R3HDM1: variants seen among roughly 807,000 people sequenced by gnomAD.
R3HDM1 encodes the protein R3H domain containing 1.
In R3HDM1, 46 loss-of-function variants were observed where a neutral mutation model predicts 141.1. The observed-to-expected ratio is 0.33, with a 90% CI of 0.26 to 0.42. The LOEUF (loss-of-function observed/expected upper bound fraction) is 0.42, where lower values mean the gene tolerates loss of function less well. Ranked by LOEUF, R3HDM1 falls within the 10% of genes least tolerant of loss-of-function variation. R3HDM1 has a pLI of 1.00. For synonymous variants in R3HDM1, 435 were observed against 472.9 expected (o/e 0.92, Z 1.04); for missense variants, 1,184 against 1,368.3 (o/e 0.87, Z 2.12).
intron 23 of R3HDM1, among the ~76,000 whole-genome samples, chr2:135,711,939 A>G (rs1206410495): frequency 1.5e-5 from 2 of 137,318 alleles, no homozygotes; most frequent in East Asian, 2.2e-4. Context: ...AGCCTGGGTG[A>G]CAGAGCGAGA....
chr2:135,650,411 T>C (rs2105276151), intron 17 of R3HDM1: 2 of 984,752 alleles, frequency 2.0e-6, no homozygotes, highest in South Asian at 9.4e-5. Flanking sequence ...GGGTGAGTTG[T>C]AGCTTACAGC....
At chr2:135,701,959 C>T (rs977775439) in intron 21 of R3HDM1, among the ~76,000 whole-genome samples, 1 of 151,958 alleles carries the variant, frequency 6.6e-6, no homozygotes, top group Non-Finnish European at 1.5e-5. Flanking sequence ...ATACAATTCA[C>T]TTAACATGTA....
chr2:135,577,146 T>A (rs1476102455), intron 1 of R3HDM1: 2 of 977,254 alleles, frequency 2.0e-6, no homozygotes, highest in East Asian at 1.1e-4. Context: ...AACCTTTGTG[T>A]ATGAAAAAGG....
chr2:135,587,155 C>G (rs1708128097), intron 1 of R3HDM1: 1 of 320,920 alleles, frequency 3.1e-6, no homozygotes, highest in Non-Finnish European at 4.5e-6. Context: ...GTATCTTATT[C>G]CTAATTATAC....
chr2:135,562,466 T>G (rs974258793), intron 1 of R3HDM1, among the ~76,000 whole-genome samples: 21 of 152,352 alleles, frequency 1.4e-4, no homozygotes, highest in African/African-American at 4.8e-4. Flanking sequence ...ATTATTTTTT[T>G]CTAGTTGCAT....
chr2:135,688,932 T>C (rs562220151), intron 21 of R3HDM1, among the ~76,000 whole-genome samples: 101 of 152,338 alleles, frequency 6.6e-4, no homozygotes, highest in Non-Finnish European at 9.7e-4. Flanking sequence ...CGAGACTCCT[T>C]CTCAAAAAGA....
At position 135,546,357 on chromosome 2, in the gene R3HDM1, T is replaced by A. The variant is rs535125604; in HGVS notation, c.-250+14724T>A. Among the ~76,000 whole-genome samples the A allele has an allele frequency of 2.6e-5, 4 of 152,232 alleles. No homozygotes were observed. The South Asian group carries it at 6.2e-4, about 24-fold the overall frequency. ...TCACCTGTGCCCTCTTCCCTTCCCT[T>A]CCTCTCCACCCTGAAGAGAATAGAA... On this transcript the variant is annotated intron_variant, in intron 1 of 26. Transcript: ENST00000683871.
intron 20 of R3HDM1, 75 bp from the exon 21 acceptor site, chr2:135,680,098 G>C: frequency 1.4e-6 from 2 of 1,412,188 alleles, no homozygotes; most frequent in African/African-American, 2.9e-5. Context: ...TAAAGTTTAT[G>C]GAGGTTGAAA....
intron 1 of R3HDM1, chr2:135,566,970 C>CATA: frequency 7.3e-6 from 1 of 137,396 alleles, no homozygotes; most frequent in Non-Finnish European, 1.5e-5. Context: ...GACTCCGTCT[C>CATA]AGAAAAAAAA....
At chr2:135,695,963 C>CGT (rs2073176006) in intron 21 of R3HDM1, among the ~76,000 whole-genome samples, 1 of 152,114 alleles carries the variant, frequency 6.6e-6, no homozygotes, top group Non-Finnish European at 1.5e-5. Flanking sequence ...GACAAGGGCT[C>CGT]GTGTGTATAA....
At chr2:135,714,232 G>A (rs761489630) in intron 23 of R3HDM1, among the ~76,000 whole-genome samples, 1 of 152,164 alleles carries the variant, frequency 6.6e-6, no homozygotes, top group East Asian at 1.9e-4. Context: ...AGAGATAGAC[G>A]TCAGGTTCCT....
intron 26 of R3HDM1, among the ~76,000 whole-genome samples, chr2:135,722,996 A>G (rs2076840731): frequency 1.3e-5 from 2 of 152,204 alleles, no homozygotes; most frequent in African/African-American, 2.4e-5. Flanking sequence ...TTTACAATGG[A>G]AATGTGAAGT....
intron 26 of R3HDM1, among the ~76,000 whole-genome samples, chr2:135,722,933 A>G (rs756102447): frequency 1.3e-5 from 2 of 151,910 alleles, no homozygotes; most frequent in Non-Finnish European, 2.9e-5. Context: ...TTATATTTTA[A>G]CTTTCTACTC....
intron 7 of R3HDM1, chr2:135,623,111 A>G (rs1398946827): frequency 2.2e-6 from 2 of 894,644 alleles, no homozygotes; most frequent in Non-Finnish European, 2.7e-6. Context: ...TTAAATGCAA[A>G]GTTTTTGTTC....
At chr2:135,580,424 T>G (rs987164462) in intron 1 of R3HDM1, among the ~76,000 whole-genome samples, 1 of 152,190 alleles carries the variant, frequency 6.6e-6, no homozygotes, top group African/African-American at 2.4e-5. Context: ...ATACTTGTAT[T>G]TATTATTGGT....
Position 135,724,099 on chromosome 2 carries a change from A to T in R3HDM1, c.3212A>T (p.Asp1071Val). 1 of 1,614,096 alleles carries T rather than the reference A, an allele frequency of 6.2e-7. No homozygotes were observed. ...RRHPLCCGSG[D>V]NTANPERSKP... ...CACCCCCTCTGCTGTGGCAGTGGGGACAACACTGCCAACCCTGAACGCTCT... is the reference window on the plus strand; with the variant it reads ...CACCCCCTCTGCTGTGGCAGTGGGGTCAACACTGCCAACCCTGAACGCTCT... Residue 1071 changes from aspartate to valine, a missense_variant, in exon 27 of 27, where the codon GAC becomes GTC. By Grantham distance (152) the Asp-to-Val change is radical. Coordinates refer to ENST00000683871, the MANE Select transcript of R3HDM1 (RefSeq NM_001378107.1).
intron 21 of R3HDM1, among the ~76,000 whole-genome samples, chr2:135,697,278 G>A (rs1559460694): frequency 6.6e-6 from 1 of 152,162 alleles, no homozygotes; most frequent in Non-Finnish European, 1.5e-5. Context: ...ACAGATGTCA[G>A]AAAACTACAG....
At chr2:135,648,776 T>TA (rs80306666) in intron 16 of R3HDM1, among the ~76,000 whole-genome samples, 6,487 of 129,666 alleles carry the variant, frequency 0.05, 436 homozygotes, top group African/African-American at 0.16. Context: ...ATTACAACTT[T>TA]AAAAAAAAAA....
intron 1 of R3HDM1, among the ~76,000 whole-genome samples, chr2:135,535,860 A>G (rs916156139): frequency 3.3e-5 from 5 of 152,126 alleles, no homozygotes; most frequent in African/African-American, 1.2e-4. Flanking sequence ...GATGAAACTA[A>G]ATCCTGGCCT....
Sources: allele counts gnomAD v4.1 joint callset (sites outside exome capture counted in the v4.1 genomes callset), GRCh38; gene constraint gnomAD v4.1.1; transcripts MANE v1.5; gene names NCBI Gene and HGNC (gene_info 2026-07-23, HGNC 2026-07-21).